ST6GAL1: variants seen among roughly 807,000 people sequenced by gnomAD.
ST6GAL1 encodes beta-galactoside alpha-2,6-sialyltransferase 1.
A neutral mutation model predicts 38.0 loss-of-function variants in ST6GAL1; 20 were observed. The ratio of observed to expected loss-of-function variants is 0.53; its 90% CI spans 0.37 to 0.77. The LOEUF (loss-of-function observed/expected upper bound fraction) is 0.77, where lower values mean the gene tolerates loss of function less well. ST6GAL1 is among the 30% of genes least tolerant of loss of function. ST6GAL1 has a pLI of 0.00. For synonymous variants in ST6GAL1, 196 were observed against 188.2 expected, an observed-to-expected ratio of 1.04 and a Z score of -0.34; for missense variants, 432 against 496.4, an observed-to-expected ratio of 0.87 and a Z score of 1.23.
chr3:186,932,484 G>GA (rs1311357826), intron 1 of ST6GAL1, among the ~76,000 whole-genome samples: 1 of 152,206 alleles, frequency 6.6e-6, no homozygotes, highest in African/African-American at 2.4e-5. Flanking sequence ...ATTCTGTTGA[G>GA]AAAAAATAGA....
At chr3:187,070,131 C>T (rs1719310408) in intron 5 of ST6GAL1, among the ~76,000 whole-genome samples, 1 of 152,174 alleles carries the variant, frequency 6.6e-6, no homozygotes, top group African/African-American at 2.4e-5. Flanking sequence ...GCCACACTTG[C>T]TTACATTCCA....
chr3:187,075,079 C>T lies in ST6GAL1; in HGVS notation c.980-483C>T, dbSNP rs1315644104. Among the ~76,000 whole-genome samples, 3 of 152,118 alleles carry T rather than the reference C, an allele frequency of 2.0e-5. No individual in the cohort carries two copies. Among genetic ancestry groups the T allele is most frequent in the Non-Finnish European group, 4.4e-5 (3 of 68,030 alleles). ...CCAGCTAAGGGAAGAAAAGTCTTCC[C>T]TCCCCAACACTGTTTCATGCAAATG... On this transcript the variant is annotated intron_variant, in intron 7 of 7. Transcript: ENST00000169298. This position sits in a 1 kb window ranked among gnomAD's most constrained non-coding sequence, Gnocchi z 4.1.
Position 187,042,766 on chromosome 3 carries a change from A to G in ST6GAL1, c.63A>G (p.Ala21=), listed in dbSNP as rs1718168891. Residue 21 remains alanine (A), a synonymous_variant, in exon 4 of 8, where the codon GCA becomes GCG. Transcript: ENST00000169298. ...SCCVLVFLLF[A]VICVWKEKKK... is the part of the protein sequence containing the mutation. ...GCGTCCTGGTCTTTCTTCTGTTTGC[A>G]GTCATCTGTGTGTGGAAGGAAAAGA... 1.9e-6 allele frequency: 3 copies of G among 1,614,048 alleles called. No individual in the cohort carries two copies. Among genetic ancestry groups the G allele is most frequent in the Non-Finnish European group, 2.5e-6 (3 of 1,180,036 alleles).
At chr3:187,046,053 C>T (rs779057069) in intron 4 of ST6GAL1, among the ~76,000 whole-genome samples, 6 of 152,162 alleles carry the variant, frequency 3.9e-5, no homozygotes, top group Admixed American at 6.5e-5. Flanking sequence ...GGTTTTTGAA[C>T]AAGGGAGACT....
In ST6GAL1 at chr3:186,972,054, G is replaced by A. The variant is rs537614431; in HGVS notation, c.-183+8128G>A. Among the ~76,000 whole-genome samples, 11 of 152,266 alleles carry A rather than the reference G, an allele frequency of 7.2e-5. No individual in the cohort carries two copies. In the South Asian group the frequency reaches 2.3e-3, roughly 32 times the overall value. ...ACTTCTTATGGACCAGGCTCTAAGT[G>A]TTTTATGTATATTAATTCACTTAAT... On this transcript the variant is annotated intron_variant, in intron 2 of 7. Coordinates refer to ENST00000169298, the MANE Select transcript of ST6GAL1 (RefSeq NM_173216.2).
chr3:186,967,548 G>T (rs771901165), intron 2 of ST6GAL1, among the ~76,000 whole-genome samples: 2 of 152,170 alleles, frequency 1.3e-5, no homozygotes, highest in Non-Finnish European at 2.9e-5. Flanking sequence ...CAGCAGATGG[G>T]GGAGGGAGTC....
At position 187,075,879 on chromosome 3, in the gene ST6GAL1, T is replaced by G. The variant is rs1248668187; in HGVS notation, c.*76T>G. 6.3e-7 allele frequency: 1 copy of G among 1,581,254 alleles called. No individual in the cohort carries two copies. The highest frequency in any genetic ancestry group is 8.6e-7 in the Non-Finnish European group (1 of 1,163,698). On this transcript the variant is annotated 3_prime_UTR_variant, in exon 8 of 8. Coordinates refer to ENST00000169298, the MANE Select transcript of ST6GAL1 (RefSeq NM_173216.2). The surrounding 1 kb of genome is among the most constrained non-coding windows in gnomAD (Gnocchi z 4.1). ...GCCACCCCAGCCTGGGAAGAACATT[T>G]TCCTGAACAATTCCAGCCTGCTCCT... is the stretch of plus-strand genomic sequence containing the variant.
chr3:186,941,553 ACT>A (rs138487595), intron 1 of ST6GAL1, among the ~76,000 whole-genome samples: 2,157 of 152,190 alleles, frequency 0.014, 53 homozygotes, highest in African/African-American at 0.049. Flanking sequence ...TTACAGTCAC[ACT>A]GAGTGGCTGC....
intron 1 of ST6GAL1, among the ~76,000 whole-genome samples, chr3:186,946,836 C>T (rs555961332): frequency 6.6e-6 from 1 of 152,218 alleles, no homozygotes; most frequent in African/African-American, 2.4e-5. Flanking sequence ...AACGGAGATA[C>T]AGATGGATGA....
chr3:187,047,253 G>C (rs1412691911), intron 4 of ST6GAL1, among the ~76,000 whole-genome samples: 1 of 146,016 alleles, frequency 6.8e-6, no homozygotes, highest in Non-Finnish European at 1.5e-5. Context: ...CCAAGTCATA[G>C]TTTTTTTTTT....
At chr3:187,067,523 A>C (rs35589599) in intron 5 of ST6GAL1, among the ~76,000 whole-genome samples, 51,184 of 150,974 alleles carry the variant, frequency 0.34, 9,306 homozygotes, top group African/African-American at 0.48. Flanking sequence ...CTTATCCCTC[A>C]ACCAGATCCC....
rs1315846041 is a variant in ST6GAL1, at chr3:187,033,869, A to G, written c.-182-4873A>G. Among the ~76,000 whole-genome samples the G allele has an allele frequency of 2.0e-5, 3 of 152,166 alleles. No homozygotes were observed. The East Asian group carries it at 5.8e-4, about 29-fold the overall frequency. ...CCCAGAGGAACTAGAAAAAAAATTT[A>G]CCCCAAAGCTGGCAGAAAAAGAAAA... On this transcript the variant is annotated intron_variant, in intron 2 of 7. Transcript: ENST00000169298.
chr3:187,008,209 A>G (rs768925985), intron 2 of ST6GAL1, among the ~76,000 whole-genome samples: 23 of 152,304 alleles, frequency 1.5e-4, no homozygotes, highest in Non-Finnish European at 2.5e-4. Flanking sequence ...GATACATTTA[A>G]TAACAACTCC....
At chr3:187,070,355 T>C (rs1411670184) in intron 5 of ST6GAL1, among the ~76,000 whole-genome samples, 1 of 150,700 alleles carries the variant, frequency 6.6e-6, no homozygotes, top group Non-Finnish European at 1.5e-5. Context: ...TCCCCGTGTC[T>C]CAGACACCCC....
Position 186,979,752 on chromosome 3 carries a change from C to T in ST6GAL1, c.-183+15826C>T, listed in dbSNP as rs151272521. Among the ~76,000 whole-genome samples the T allele has an allele frequency of 2.0e-3, 298 of 152,266 alleles. 1 individual carries two copies. Among genetic ancestry groups the T allele is most frequent in the African/African-American group, 6.8e-3 (282 of 41,544 alleles). ...GTTTAATTTCTCCTTCCCCTGCTGC[C>T]AAGGCTTCCGAGAAGTTGCTGTGTA... On this transcript the variant is annotated intron_variant, in intron 2 of 7. Coordinates refer to ENST00000169298, the MANE Select transcript of ST6GAL1 (RefSeq NM_173216.2).
intron 2 of ST6GAL1, among the ~76,000 whole-genome samples, chr3:187,022,363 G>A (rs918534632): frequency 4.6e-5 from 7 of 152,130 alleles, no homozygotes; most frequent in African/African-American, 1.4e-4. Context: ...GACTTGGGGG[G>A]TAGAGGGTTA....
intron 1 of ST6GAL1, among the ~76,000 whole-genome samples, chr3:186,932,092 G>A (rs1238638981): frequency 1.3e-5 from 2 of 152,224 alleles, no homozygotes; most frequent in Non-Finnish European, 2.9e-5. Flanking sequence ...TGCTGAGCGG[G>A]CGGGCTGCTG....
chr3:187,046,090 T>C (rs976934205), intron 4 of ST6GAL1, among the ~76,000 whole-genome samples: 1 of 152,250 alleles, frequency 6.6e-6, no homozygotes, highest in African/African-American at 2.4e-5. Flanking sequence ...GTCCCTGTTT[T>C]GTACTCTATA....
At position 187,043,193 on chromosome 3, in the gene ST6GAL1, G is replaced by A; in HGVS notation, c.490G>A (p.Glu164Lys). The A allele has an allele frequency of 6.2e-7, 1 of 1,614,240 alleles. No individual in the cohort carries two copies. The highest frequency in any genetic ancestry group is 2.2e-5 in the East Asian group (1 of 44,886). Reference sequence around the variant, plus strand: ...CACAGATTTTCCCTTCAATACCTCTGAATGGGAGGGTTATCTGCCCAAGGA... The same window carrying A: ...CACAGATTTTCCCTTCAATACCTCTAAATGGGAGGGTTATCTGCCCAAGGA... ...EVTDFPFNTS[E>K]WEGYLPKESI... Residue 164 changes from glutamate to lysine, a missense_variant, in exon 4 of 8, where the codon GAA (glutamate) becomes AAA (lysine). Transcript: ENST00000169298.
Sources: allele counts gnomAD v4.1 joint callset (sites outside exome capture counted in the v4.1 genomes callset), GRCh38; gene constraint gnomAD v4.1.1; non-coding constraint Gnocchi (gnomAD v3.1); transcripts MANE v1.5; gene names NCBI Gene and HGNC (gene_info 2026-07-23, HGNC 2026-07-21).